Variants in CHRNA7 observed in about 807,000 individuals in gnomAD.
The protein encoded by CHRNA7 is cholinergic receptor nicotinic alpha 7 subunit, also known as neuronal acetylcholine receptor subunit alpha-7.
In CHRNA7, 17 loss-of-function variants were observed where a neutral mutation model predicts 48.0. The observed-to-expected ratio is 0.35, with a 90% CI of 0.24 to 0.53. The LOEUF is 0.53. CHRNA7 is among the 20% of genes least tolerant of loss of function. The probability of loss-of-function intolerance (pLI) is 0.92; values close to 1 mark genes in which losing one functional copy is unlikely to be tolerated. For missense variants in CHRNA7, 155 were observed against 577.7 expected (o/e 0.27, Z 7.50); for synonymous variants, 75 against 242.3 (o/e 0.31, Z 6.41).
chr15:32,073,248 A>C (rs1183444050), intron 2 of CHRNA7, among the ~76,000 whole-genome samples: 2 of 152,128 alleles, frequency 1.3e-5, no homozygotes, highest in Non-Finnish European at 2.9e-5. Flanking sequence ...TTGAAGGTTT[A>C]ATGTTGGCCC....
At chr15:32,151,530 C>T (rs2051629649) in intron 4 of CHRNA7, among the ~76,000 whole-genome samples, 1 of 151,888 alleles carries the variant, frequency 6.6e-6, no homozygotes, top group Non-Finnish European at 1.5e-5. Context: ...AATTTTTTCC[C>T]TCCCACTCTC....
intron 2 of CHRNA7, among the ~76,000 whole-genome samples, chr15:32,040,932 A>G (rs919431637): frequency 3.9e-5 from 6 of 151,980 alleles, no homozygotes; most frequent in African/African-American, 9.7e-5. Flanking sequence ...GATGATTTCA[A>G]TAATTCTAGA....
chr15:32,122,780 A>G (rs1021515900), intron 4 of CHRNA7, among the ~76,000 whole-genome samples: 6 of 152,032 alleles, frequency 3.9e-5, no homozygotes, highest in Non-Finnish European at 7.4e-5. Context: ...TGCCAATACC[A>G]TACTGAGAGC....
chr15:32,083,741 A>G (rs1331690566), intron 2 of CHRNA7, among the ~76,000 whole-genome samples: 1 of 152,206 alleles, frequency 6.6e-6, no homozygotes, highest in African/African-American at 2.4e-5. Flanking sequence ...ACAAAAGGTC[A>G]TTTATGAAGG....
rs576343244 is a variant in CHRNA7 at position 32,090,212 on chromosome 15, AT to A, written c.196-11088del. Among the ~76,000 whole-genome samples the A allele has an allele frequency of 1.9e-3, 288 of 152,192 alleles. 2 individuals are homozygous for A. The highest frequency in any genetic ancestry group is 6.6e-3 in the African/African-American group (274 of 41,506). On this transcript the variant is annotated intron_variant, in intron 2 of 9. Transcript: ENST00000306901. ...AGGCTGCTGGAGTGGGACCAGTGTAATTTCCCTAGCAGGGATAAGCTCTGAG... is the reference window on the plus strand; with the variant it reads ...AGGCTGCTGGAGTGGGACCAGTGTAATTCCCTAGCAGGGATAAGCTCTGAG...
chr15:32,133,719 G>C (rs1444784342), intron 4 of CHRNA7, among the ~76,000 whole-genome samples: 2 of 152,192 alleles, frequency 1.3e-5, no homozygotes, highest in East Asian at 3.9e-4. Flanking sequence ...GGTGCCTCCT[G>C]GTGCTGGTTT....
chr15:32,148,488 C>A (rs910855467), intron 4 of CHRNA7, among the ~76,000 whole-genome samples: 3 of 152,174 alleles, frequency 2.0e-5, no homozygotes, highest in Non-Finnish European at 2.9e-5. Context: ...AGCCTAGGAT[C>A]AGAGGGCTCT....
At position 32,104,541 on chromosome 15, in the gene CHRNA7, G is replaced by C; in HGVS notation, c.240+3194G>C. Among the ~76,000 whole-genome samples, 2 of 152,170 alleles carry C rather than the reference G, an allele frequency of 1.3e-5. 1 individual carries two copies. The highest frequency in any genetic ancestry group is 2.9e-5 in the Non-Finnish European group (2 of 68,042). On this transcript the variant is annotated intron_variant, in intron 3 of 9. Coordinates refer to ENST00000306901, the MANE Select transcript of CHRNA7 (RefSeq NM_000746.6). ...ACTCGTCTATCTGTTCATTGGTTCT[G>C]AGTCTTCATCACCCTTAGAATGTGT...
intron 4 of CHRNA7, among the ~76,000 whole-genome samples, chr15:32,120,639 G>T (rs1221985337): frequency 1.3e-5 from 2 of 151,886 alleles, no homozygotes; most frequent in Non-Finnish European, 2.9e-5. Flanking sequence ...GAGGACAGGT[G>T]CTGCGGTGAA....
intron 3 of CHRNA7, among the ~76,000 whole-genome samples, chr15:32,106,748 C>A (rs750955715): frequency 1.3e-5 from 2 of 152,232 alleles, no homozygotes; most frequent in Non-Finnish European, 2.9e-5. Context: ...TGTGACCATT[C>A]TCCTGGCATT....
At chr15:32,086,285 C>T (rs1483038222) in intron 2 of CHRNA7, among the ~76,000 whole-genome samples, 3 of 142,860 alleles carry the variant, frequency 2.1e-5, no homozygotes, top group African/African-American at 7.8e-5. Flanking sequence ...AGGAGAATGG[C>T]GTGAACCCTG....
intron 2 of CHRNA7, among the ~76,000 whole-genome samples, chr15:32,068,873 A>C (rs967627916): frequency 6.6e-6 from 1 of 152,226 alleles, no homozygotes; most frequent in Admixed American, 6.5e-5. Flanking sequence ...AAGAGACAGA[A>C]TTAAAGGGGA....
At chr15:32,070,702 T>C (rs752552303) in intron 2 of CHRNA7, among the ~76,000 whole-genome samples, 1 of 97,276 alleles carries the variant, frequency 1.0e-5, no homozygotes, top group South Asian at 3.3e-4. Flanking sequence ...TTTTTTTTTT[T>C]TTGAGACGGA....
chr15:32,139,395 G>C (rs1174847624), intron 4 of CHRNA7, among the ~76,000 whole-genome samples: 1 of 152,144 alleles, frequency 6.6e-6, no homozygotes, highest in African/African-American at 2.4e-5. Context: ...GCAATTGTTG[G>C]ATCACATGGA....
chr15:32,128,174 C>T (rs1264283399), intron 4 of CHRNA7, among the ~76,000 whole-genome samples: 1 of 151,964 alleles, frequency 6.6e-6, no homozygotes, highest in African/African-American at 2.4e-5. Context: ...ATCTCTTCCT[C>T]TATTATAGTC....
intron 3 of CHRNA7, among the ~76,000 whole-genome samples, chr15:32,105,388 G>GA (rs760181321): frequency 8.6e-4 from 131 of 151,600 alleles, no homozygotes; most frequent in Admixed American, 2.1e-3. Context: ...AAAAAAGGAG[G>GA]AAAAATGGAG....
intron 2 of CHRNA7, among the ~76,000 whole-genome samples, chr15:32,057,900 A>G (rs774982904): frequency 6.6e-6 from 1 of 152,216 alleles, no homozygotes; most frequent in South Asian, 2.1e-4. Context: ...CAGGATATAC[A>G]TGTAAGTCAG....
rs778013320 is a variant in CHRNA7 at position 32,115,196 on chromosome 15, GC to G, written c.350+3299del. 7.2e-5 allele frequency among the ~76,000 whole-genome samples: 11 copies of G among 152,204 alleles called. No individual in the cohort carries two copies. In the East Asian group the frequency reaches 9.6e-4, roughly 13 times the overall value. ...CACCCCTATCTAGGGCAAGAGGGAG[GC>G]CACAGGGTGCTCTGGGGACACTAGT... is the stretch of plus-strand genomic sequence containing the variant. On this transcript the variant is annotated intron_variant, in intron 4 of 9. Transcript: ENST00000306901.
chr15:32,127,613 T>C (rs985049473), intron 4 of CHRNA7, among the ~76,000 whole-genome samples: 1 of 152,168 alleles, frequency 6.6e-6, no homozygotes, highest in African/African-American at 2.4e-5. Flanking sequence ...TTGAAATATA[T>C]GTTCATGTCT....
Sources: allele counts gnomAD v4.1 joint callset (sites outside exome capture counted in the v4.1 genomes callset), GRCh38; gene constraint gnomAD v4.1.1; transcripts MANE v1.5; gene names NCBI Gene and HGNC (gene_info 2026-07-23, HGNC 2026-07-21).